JARID2: variants seen among roughly 807,000 people sequenced by gnomAD.
JARID2 encodes the protein jumonji and AT-rich interaction domain containing 2.
JARID2 carries 21 observed loss-of-function variants against 125.6 expected under a neutral mutation model. That is an observed-to-expected ratio of 0.17 (90% CI 0.12 to 0.24). The LOEUF (loss-of-function observed/expected upper bound fraction) is 0.24. JARID2 is among the 10% of genes least tolerant of loss of function. JARID2 has a pLI of 1.00. For missense variants in JARID2, 1,303 were observed against 1,639.6 expected (o/e 0.79, Z 3.55); for synonymous variants, 736 against 661.6 (o/e 1.11, Z -1.73).
intron 16 of JARID2, among the ~76,000 whole-genome samples, chr6:15,515,205 CTT>C (rs79690580): frequency 2.1e-5 from 3 of 146,194 alleles, no homozygotes; most frequent in African/African-American, 2.5e-5. Context: ...GCCTGGTTAA[CTT>C]TTTTTTTTTT....
At chr6:15,386,360 A>G (rs1011593367) in intron 2 of JARID2, among the ~76,000 whole-genome samples, 23 of 151,834 alleles carry the variant, frequency 1.5e-4, no homozygotes, top group Non-Finnish European at 2.5e-4. Context: ...GTGAAACCAC[A>G]TATCTCCAGT....
At chr6:15,246,701 GTTTC>G (rs771986453) in intron 1 of JARID2, 117 bp downstream of exon 1, 117 of 933,382 alleles carry the variant, frequency 1.3e-4, no homozygotes, top group Non-Finnish European at 1.9e-4. Flanking sequence ...CGATAAGGCT[GTTTC>G]TTTTTTTTCT....
intron 3 of JARID2, among the ~76,000 whole-genome samples, chr6:15,433,733 G>A (rs1296925527): frequency 6.6e-6 from 1 of 152,078 alleles, no homozygotes; most frequent in Non-Finnish European, 1.5e-5. Flanking sequence ...GACTGGGGAT[G>A]TTTTTCTCCA....
At chr6:15,447,417 T>C (rs2127631052) in intron 3 of JARID2, among the ~76,000 whole-genome samples, 1 of 152,302 alleles carries the variant, frequency 6.6e-6, no homozygotes, top group East Asian at 1.9e-4. Context: ...CCATGATTGC[T>C]ACTTCCGTGG....
At chr6:15,277,916 G>A (rs900170552) in intron 1 of JARID2, among the ~76,000 whole-genome samples, 1 of 152,002 alleles carries the variant, frequency 6.6e-6, no homozygotes, top group East Asian at 1.9e-4. Flanking sequence ...CACTGTTGGA[G>A]TATGCTGTAA....
At chr6:15,517,930 C>T (rs1484149554) in intron 17 of JARID2, among the ~76,000 whole-genome samples, 7 of 152,186 alleles carry the variant, frequency 4.6e-5, no homozygotes, top group Non-Finnish European at 8.8e-5. Context: ...ACATTTGAGG[C>T]CACTGAGTGG....
At chr6:15,415,619 TCGGGGCGGCTGGCCGGG>T (rs1377099850) in intron 3 of JARID2, among the ~76,000 whole-genome samples, 2 of 61,012 alleles carry the variant, frequency 3.3e-5, no homozygotes, top group Non-Finnish European at 6.2e-5. Flanking sequence ...TCCCTCCCGG[TCGGGGCGGCTGGCCGGG>T]CGGGGGGCTG....
At chr6:15,495,255 A>G (rs1437703657) in intron 6 of JARID2, among the ~76,000 whole-genome samples, 1 of 152,198 alleles carries the variant, frequency 6.6e-6, no homozygotes, top group South Asian at 2.1e-4. Flanking sequence ...GTGTGTCCCA[A>G]GATTACCACG....
chr6:15,475,234 T>C (rs1368960200), intron 5 of JARID2, among the ~76,000 whole-genome samples: 1 of 152,218 alleles, frequency 6.6e-6, no homozygotes, highest in East Asian at 1.9e-4. Flanking sequence ...TAATATAAAA[T>C]GAAACAGATC....
chr6:15,520,924 C>T lies in JARID2; in HGVS notation c.*673C>T, dbSNP rs187327232. ...CATCTGTTCCAGGAAAGAAGAAAAG[C>T]GAGCGAGGAAGACGGAAAAGACTGC... On this transcript the variant is annotated 3_prime_UTR_variant, in exon 18 of 18. Transcript: ENST00000341776. 3.3e-4 allele frequency: 141 copies of T among 430,768 alleles called. 1 individual carries two copies. Among genetic ancestry groups the T allele is most frequent in the Middle Eastern group, 2.3e-3 (6 of 2,554 alleles). 26.7% of individuals were successfully genotyped at this position (430,768 alleles called of 1,614,324 possible).
At chr6:15,339,961 A>G (rs1204444166) in intron 1 of JARID2, among the ~76,000 whole-genome samples, 2 of 151,490 alleles carry the variant, frequency 1.3e-5, no homozygotes, top group African/African-American at 2.4e-5. Context: ...GATCTTTGGC[A>G]TTAATTTTTT....
chr6:15,275,100 C>T (rs1353310577), intron 1 of JARID2, among the ~76,000 whole-genome samples: 4 of 152,112 alleles, frequency 2.6e-5, no homozygotes, highest in Admixed American at 6.6e-5. Context: ...GTGACAACCT[C>T]GGACCAGTGG....
chr6:15,428,006 G>A (rs1357293184), intron 3 of JARID2, among the ~76,000 whole-genome samples: 1 of 151,720 alleles, frequency 6.6e-6, no homozygotes, highest in Non-Finnish European at 1.5e-5. Context: ...TCTTACTACT[G>A]TCGCCGTATA....
chr6:15,456,841 TA>T (rs906184049), intron 4 of JARID2, among the ~76,000 whole-genome samples: 18 of 151,368 alleles, frequency 1.2e-4, no homozygotes, highest in African/African-American at 4.1e-4. Context: ...TTAATAATTT[TA>T]TTTCCATTTT....
intron 2 of JARID2, among the ~76,000 whole-genome samples, chr6:15,387,341 C>T (rs563813198): frequency 4.3e-4 from 65 of 152,308 alleles, no homozygotes; most frequent in African/African-American, 1.3e-3. Context: ...TTACCTTAGA[C>T]TGGGCTGCTG....
intron 1 of JARID2, among the ~76,000 whole-genome samples, chr6:15,295,019 G>T (rs1210049913): frequency 6.6e-6 from 1 of 151,808 alleles, no homozygotes; most frequent in African/African-American, 2.4e-5. Context: ...ACCTGAGAGC[G>T]ATTAGAAACT....
At chr6:15,504,041 AC>A (rs776317494) in intron 8 of JARID2, among the ~76,000 whole-genome samples, 1 of 136,038 alleles carries the variant, frequency 7.4e-6, no homozygotes, top group African/African-American at 2.7e-5. Flanking sequence ...TAGATGTCGC[AC>A]CAGTTTCTGT....
intron 1 of JARID2, among the ~76,000 whole-genome samples, chr6:15,365,322 G>A (rs1763935341): frequency 3.3e-5 from 5 of 151,924 alleles, no homozygotes; most frequent in Admixed American, 2.6e-4. Context: ...TGATTACATT[G>A]AAAAAGCGAA....
intron 6 of JARID2, among the ~76,000 whole-genome samples, chr6:15,491,507 TTCTC>T (rs1015625565): frequency 6.6e-6 from 1 of 152,228 alleles, no homozygotes; most frequent in Non-Finnish European, 1.5e-5. Flanking sequence ...CACCAACTGT[TTCTC>T]TCTCTGGGCC....
Sources: allele counts gnomAD v4.1 joint callset (sites outside exome capture counted in the v4.1 genomes callset), GRCh38; gene constraint gnomAD v4.1.1; transcripts MANE v1.5; gene names NCBI Gene and HGNC (gene_info 2026-07-23, HGNC 2026-07-21).